The following ANK2 variants were observed in gnomAD, a reference collection of about 807,000 sequenced individuals.
ANK2 encodes the protein ankyrin-2.
Under a neutral mutation model 360.5 loss-of-function variants are expected in ANK2, and 83 were observed. The observed-to-expected ratio is 0.23, with a 90% CI of 0.19 to 0.28. The LOEUF is 0.28. Among genes scored for constraint, ANK2 ranks in the 10% least tolerant of loss-of-function variants. The pLI is 1.00. For synonymous variants in ANK2, 1,740 were observed against 1,759.5 expected (o/e 0.99, Z 0.28); for missense variants, 4,201 against 4,795.7 (o/e 0.88, Z 3.66).
At chr4:113,191,188 A>G (rs1028132811) in intron 2 of ANK2, among the ~76,000 whole-genome samples, 9 of 152,022 alleles carry the variant, frequency 5.9e-5, no homozygotes, top group African/African-American at 2.2e-4. Flanking sequence ...AAAAATACCA[A>G]AAAAATTAGC....
At chr4:113,085,453 G>A (rs1561948549) in intron 1 of ANK2, among the ~76,000 whole-genome samples, 1 of 151,922 alleles carries the variant, frequency 6.6e-6, no homozygotes, top group Non-Finnish European at 1.5e-5. Context: ...CTACAGGCGT[G>A]TGCCACCATG....
chr4:112,750,271 G>A, the ANK2 span, among the ~76,000 whole-genome samples: 7 of 152,020 alleles, frequency 4.6e-5, no homozygotes, highest in Non-Finnish European at 8.8e-5. Context: ...ATATTCACGA[G>A]AATCGCTTGA....
Position 113,357,639 on chromosome 4 carries a change from A to G in ANK2, c.9021A>G (p.Gln3007=), listed in dbSNP as rs201207915. Residue 3007 remains glutamine, a synonymous_variant, in exon 38 of 46, where the codon CAA becomes CAG. Transcript: ENST00000357077. Reference sequence around the variant, plus strand: ...AGGAAAGTACCTTGTGGGAAATGCAATCAGACAGTGTCTCTTCATCTTTCG... The same window carrying G: ...AGGAAAGTACCTTGTGGGAAATGCAGTCAGACAGTGTCTCTTCATCTTTCG... ...SQQESTLWEM[Q]SDSVSSSFEP... is the part of the protein sequence containing the mutation. 4 of 1,614,158 alleles carry G rather than the reference A, an allele frequency of 2.5e-6. No individual in the cohort carries two copies. The highest frequency in any genetic ancestry group is 2.5e-6 in the Non-Finnish European group (3 of 1,179,984).
chr4:112,850,843 T>C (rs1326925424), intron 1 of ANK2, among the ~76,000 whole-genome samples: 1 of 152,074 alleles, frequency 6.6e-6, no homozygotes, highest in Non-Finnish European at 1.5e-5. Context: ...TTGCTTGGGA[T>C]GCACGAGAAT....
intron 2 of ANK2, among the ~76,000 whole-genome samples, chr4:112,958,053 C>T (rs1157536932): frequency 2.6e-5 from 4 of 151,082 alleles, no homozygotes; most frequent in African/African-American, 2.4e-5. Flanking sequence ...CGGGAAGAGG[C>T]GCTCCTCACT....
chr4:112,850,367 A>G (rs2064509466), intron 1 of ANK2, among the ~76,000 whole-genome samples: 1 of 146,948 alleles, frequency 6.8e-6, no homozygotes, highest in Non-Finnish European at 1.5e-5. Flanking sequence ...CCACCCATTC[A>G]TCTCTCTGTC....
At chr4:113,275,890 A>G in intron 15 of ANK2, among the ~76,000 whole-genome samples, 1 of 151,570 alleles carries the variant, frequency 6.6e-6, no homozygotes, top group Non-Finnish European at 1.5e-5. Flanking sequence ...ATATAACTAT[A>G]TCCATGGTAA....
chr4:112,875,803 C>G (rs1457411598), intron 1 of ANK2, among the ~76,000 whole-genome samples: 1 of 151,738 alleles, frequency 6.6e-6, no homozygotes, highest in Non-Finnish European at 1.5e-5. Context: ...CAGTGGTGTG[C>G]TCATAGCTCA....
intron 4 of ANK2, among the ~76,000 whole-genome samples, chr4:113,221,658 C>CAAAA (rs60808406): frequency 1.5e-4 from 19 of 127,932 alleles, no homozygotes; most frequent in East Asian, 4.5e-4. Flanking sequence ...GACTCCACTT[C>CAAAA]AAAAAAAAAA....
intron 1 of ANK2, among the ~76,000 whole-genome samples, chr4:112,843,442 T>C (rs1316255349): frequency 3.9e-5 from 6 of 152,196 alleles, no homozygotes; most frequent in Non-Finnish European, 7.4e-5. Context: ...ACAGAAACTC[T>C]AGTGGCCCAG....
intron 2 of ANK2, among the ~76,000 whole-genome samples, chr4:112,987,086 T>C (rs994376140): frequency 1.3e-5 from 2 of 152,204 alleles, no homozygotes; most frequent in African/African-American, 4.8e-5. Flanking sequence ...TGAATTTGTG[T>C]TGGGCCACAT....
intron 23 of ANK2, 129 bp from the exon 24 acceptor site, chr4:113,311,126 T>TCA (rs2079736745): frequency 8.8e-7 from 1 of 1,136,356 alleles, no homozygotes. Flanking sequence ...GTGTTCTGTG[T>TCA]TCTAGTGTGC....
At chr4:113,192,509 G>A (rs567490082) in intron 2 of ANK2, among the ~76,000 whole-genome samples, 3 of 152,124 alleles carry the variant, frequency 2.0e-5, no homozygotes, top group South Asian at 4.2e-4. Context: ...TTTATGCATC[G>A]TGACCTACAG....
intron 1 of ANK2, among the ~76,000 whole-genome samples, chr4:113,093,102 G>A (rs1424139899): frequency 6.6e-6 from 1 of 152,024 alleles, no homozygotes; most frequent in Non-Finnish European, 1.5e-5. Context: ...CATGCTTATA[G>A]TGCAGTTATA....
intron 4 of ANK2, among the ~76,000 whole-genome samples, chr4:113,199,675 G>A (rs2098801763): frequency 6.6e-6 from 1 of 151,826 alleles, no homozygotes; most frequent in East Asian, 1.9e-4. Flanking sequence ...GGTGGAAAAG[G>A]GGAGAAAATG....
intron 1 of ANK2, among the ~76,000 whole-genome samples, chr4:113,105,069 A>C (rs544155782): frequency 1.3e-5 from 2 of 152,264 alleles, no homozygotes; most frequent in Non-Finnish European, 2.9e-5. Context: ...CCTAGCAGAC[A>C]GGCAAAGCTG....
chr4:112,819,336 G>C (rs2056324695), intron 1 of ANK2, among the ~76,000 whole-genome samples: 1 of 152,192 alleles, frequency 6.6e-6, no homozygotes, highest in Non-Finnish European at 1.5e-5. Flanking sequence ...ATTAGGCTAT[G>C]TCTTTAAGCA....
rs1156387013 is a variant in ANK2, at chr4:113,292,339, T to C, written c.2278-77T>C. 1.4e-5 allele frequency: 18 copies of C among 1,288,062 alleles called. No individual in the cohort carries two copies. In the Admixed American group the frequency reaches 3.2e-4, roughly 23 times the overall value. The allele number at this position is 1,288,062 out of a possible 1,614,324, so 79.8% of individuals were successfully genotyped here. A position where few individuals can be genotyped will look rare whatever the true frequency, so the allele number is the denominator to read the frequency against. On this transcript the variant is annotated intron_variant, in intron 20 of 45. Transcript: ENST00000357077. ...GATGGTTTTGTTGTAAATAAGACTATTCAAAATGAAGGCTAACCTAATTTT... is the reference window on the plus strand; with the variant it reads ...GATGGTTTTGTTGTAAATAAGACTACTCAAAATGAAGGCTAACCTAATTTT...
At chr4:113,095,662 A>G (rs987499199) in intron 1 of ANK2, among the ~76,000 whole-genome samples, 1 of 152,228 alleles carries the variant, frequency 6.6e-6, no homozygotes, top group Non-Finnish European at 1.5e-5. Context: ...AGTGAAACAG[A>G]TTTATACCTT....
Sources: gnomAD v4.1 joint callset for allele counts (sites outside exome capture counted in the v4.1 genomes callset) on GRCh38, gnomAD v4.1.1 for gene constraint, MANE v1.5 for transcripts, NCBI Gene and HGNC (gene_info 2026-07-23, HGNC 2026-07-21) for gene names.